The following SGCZ variants were observed in gnomAD, a reference collection of about 807,000 sequenced individuals.
SGCZ encodes zeta-sarcoglycan.
Under a neutral mutation model 41.3 loss-of-function variants are expected in SGCZ, and 40 were observed. The ratio of observed to expected loss-of-function variants is 0.97; its 90% CI spans 0.75 to 1.26. SGCZ has a LOEUF of 1.26. SGCZ is among the 50% of genes most tolerant of loss of function. The probability of loss-of-function intolerance (pLI) is 0.00; values close to 1 mark genes in which losing one functional copy is unlikely to be tolerated. For synonymous variants in SGCZ, 206 were observed against 137.5 expected, an observed-to-expected ratio of 1.50 and a Z score of -3.49; for missense variants, 552 against 369.8, an observed-to-expected ratio of 1.49 and a Z score of -4.04.
intron 2 of SGCZ, among the ~76,000 whole-genome samples, chr8:14,386,462 C>T (rs1804582003): frequency 6.6e-6 from 1 of 152,124 alleles, no homozygotes; most frequent in South Asian, 2.1e-4. Flanking sequence ...TATATTTGTA[C>T]AAATCTGATA....
chr8:14,210,994 C>T (rs568696735), intron 4 of SGCZ, among the ~76,000 whole-genome samples: 2 of 152,162 alleles, frequency 1.3e-5, no homozygotes, highest in Admixed American at 6.5e-5. Context: ...CCACTTCAAG[C>T]TATATTATTA....
At chr8:14,935,459 G>C (rs1313423041) in intron 1 of SGCZ, among the ~76,000 whole-genome samples, 2 of 151,512 alleles carry the variant, frequency 1.3e-5, no homozygotes, top group African/African-American at 4.8e-5. Context: ...CCTACTGTGA[G>C]AAAAAAAGGT....
intron 1 of SGCZ, among the ~76,000 whole-genome samples, chr8:14,636,423 T>A (rs184386575): frequency 6.6e-6 from 1 of 151,806 alleles, no homozygotes; most frequent in Non-Finnish European, 1.5e-5. Context: ...GGCAAGAGAT[T>A]TACATGAACT....
intron 1 of SGCZ, among the ~76,000 whole-genome samples, chr8:14,825,917 A>T (rs1378731319): frequency 1.3e-5 from 2 of 152,100 alleles, no homozygotes. Flanking sequence ...ACTCTCTTGT[A>T]TACACATATC....
intron 1 of SGCZ, among the ~76,000 whole-genome samples, chr8:14,636,900 A>G (rs1806846975): frequency 6.6e-6 from 1 of 151,960 alleles, no homozygotes; most frequent in South Asian, 2.1e-4. Context: ...TTTTATTACT[A>G]AATCTATCAA....
Position 15,065,440 on chromosome 8 carries a change from A to G in SGCZ, c.39+172145T>C, listed in dbSNP as rs537464181. Among the ~76,000 whole-genome samples the G allele has an allele frequency of 6.1e-5, 9 of 147,194 alleles. No individual in the cohort carries two copies. The East Asian group carries it at 1.6e-3, about 26-fold the overall frequency. ...AATTATTATTATTATTATTATTATT[A>G]TTATTATTATTATTATTATTTTGAG... is the stretch of plus-strand genomic sequence containing the variant. On this transcript the variant is annotated intron_variant, in intron 1 of 7. Coordinates refer to ENST00000382080, the MANE Select transcript of SGCZ (RefSeq NM_139167.4).
chr8:14,209,331 G>A (rs1016507450), intron 4 of SGCZ, among the ~76,000 whole-genome samples: 1 of 151,980 alleles, frequency 6.6e-6, no homozygotes, highest in Non-Finnish European at 1.5e-5. Flanking sequence ...GGAGAGAGCT[G>A]TTCTGCTTTC....
At chr8:14,685,253 C>A (rs1585181267) in intron 1 of SGCZ, among the ~76,000 whole-genome samples, 1 of 151,926 alleles carries the variant, frequency 6.6e-6, no homozygotes, top group Non-Finnish European at 1.5e-5. Flanking sequence ...ATGAATAAAA[C>A]AAACTTTATA....
intron 1 of SGCZ, among the ~76,000 whole-genome samples, chr8:14,779,915 G>A (rs1367240189): frequency 6.6e-6 from 1 of 152,126 alleles, no homozygotes; most frequent in African/African-American, 2.4e-5. Context: ...GTATGATCTA[G>A]AGATTAGAAA....
rs548040125 is a variant in SGCZ, at chr8:14,864,036, C to A, written c.40-309110G>T. ...AACAGAACGCGACCTTCTCTTTGAC[C>A]TCACCAATTCCCACATCAATATATT... On this transcript the variant is annotated intron_variant, in intron 1 of 7. Coordinates refer to ENST00000382080, the MANE Select transcript of SGCZ (RefSeq NM_139167.4). 2.0e-5 allele frequency among the ~76,000 whole-genome samples: 3 copies of A among 152,200 alleles called. No homozygotes were observed. In the East Asian group the frequency reaches 5.8e-4, roughly 29 times the overall value.
At chr8:14,214,204 A>C (rs912067203) in intron 4 of SGCZ, among the ~76,000 whole-genome samples, 6 of 152,126 alleles carry the variant, frequency 3.9e-5, no homozygotes, top group Admixed American at 1.3e-4. Context: ...TATCAGAAAA[A>C]TGTCAGACAA....
At chr8:14,584,268 G>T (rs111747683) in intron 1 of SGCZ, among the ~76,000 whole-genome samples, 2 of 152,196 alleles carry the variant, frequency 1.3e-5, no homozygotes, top group African/African-American at 4.8e-5. Flanking sequence ...TTTACAAGGC[G>T]CAGAAAGCAC....
chr8:15,083,783 G>A (rs967155182), intron 1 of SGCZ, among the ~76,000 whole-genome samples: 1 of 151,950 alleles, frequency 6.6e-6, no homozygotes, highest in African/African-American at 2.4e-5. Flanking sequence ...GTTTTGAGAT[G>A]GGGTCTCCCT....
intron 2 of SGCZ, among the ~76,000 whole-genome samples, chr8:14,475,322 G>C (rs1474518649): frequency 6.6e-6 from 1 of 152,070 alleles, no homozygotes; most frequent in Non-Finnish European, 1.5e-5. Context: ...GTTGCTGCCA[G>C]AATACAAGTA....
chr8:14,188,365 TAGAA>T (rs1247548455), intron 4 of SGCZ, among the ~76,000 whole-genome samples: 5 of 152,166 alleles, frequency 3.3e-5, no homozygotes, highest in African/African-American at 4.8e-5. Flanking sequence ...TATTTGGCCT[TAGAA>T]AGGAATGGAG....
chr8:14,223,726 A>G (rs568601064), intron 4 of SGCZ, among the ~76,000 whole-genome samples: 1 of 152,326 alleles, frequency 6.6e-6, no homozygotes, highest in African/African-American at 2.4e-5. Flanking sequence ...TGATAAATCA[A>G]GTGATAACCC....
intron 5 of SGCZ, 132 bp downstream of exon 5, chr8:14,164,448 A>C (rs12541913): frequency 0.062 from 68,205 of 1,092,476 alleles, 2,527 homozygotes; most frequent in Admixed American, 0.15. Flanking sequence ...AGGCTACTTG[A>C]AGAACAAACG....
intron 1 of SGCZ, among the ~76,000 whole-genome samples, chr8:14,875,232 C>G (rs965827969): frequency 6.6e-6 from 1 of 152,158 alleles, no homozygotes; most frequent in African/African-American, 2.4e-5. Flanking sequence ...CCTCACATGA[C>G]AGAAGACACA....
intron 2 of SGCZ, among the ~76,000 whole-genome samples, chr8:14,377,899 T>C (rs1804195559): frequency 6.6e-6 from 1 of 151,458 alleles, no homozygotes; most frequent in Admixed American, 6.6e-5. Context: ...ATGGTGTATA[T>C]GTGCCACATT....
Sources: allele counts gnomAD v4.1 joint callset (sites outside exome capture counted in the v4.1 genomes callset), GRCh38; gene constraint gnomAD v4.1.1; transcripts MANE v1.5; gene names NCBI Gene and HGNC (gene_info 2026-07-23, HGNC 2026-07-21).